CBFA2T3: variants seen among roughly 807,000 people sequenced by gnomAD.
CBFA2T3 encodes the protein CBFA2/RUNX1 partner transcriptional co-repressor 3.
CBFA2T3 carries 31 observed loss-of-function variants against 58.6 expected under a neutral mutation model. That is an observed-to-expected ratio of 0.53 (90% CI 0.40 to 0.71). The LOEUF is 0.71. Among genes scored for constraint, CBFA2T3 ranks in the 30% least tolerant of loss-of-function variants. The probability of loss-of-function intolerance (pLI) is 0.00; values close to 1 mark genes in which losing one functional copy is unlikely to be tolerated. For missense variants in CBFA2T3, 1,076 were observed against 963.1 expected (o/e 1.12, Z -1.55); for synonymous variants, 531 against 421.9 (o/e 1.26, Z -3.17).
chr16:88,925,903 G>A (rs1450674652), intron 1 of CBFA2T3, among the ~76,000 whole-genome samples: 3 of 152,212 alleles, frequency 2.0e-5, no homozygotes, highest in South Asian at 2.1e-4. Flanking sequence ...CCATGTGAAC[G>A]TTTTTACGAT....
chr16:88,968,262 G>T (rs1400155373), intron 1 of CBFA2T3, among the ~76,000 whole-genome samples: 1 of 152,226 alleles, frequency 6.6e-6, no homozygotes, highest in Non-Finnish European at 1.5e-5. Flanking sequence ...CTGGGGAGGG[G>T]CTCAGTAGGG....
At chr16:88,880,449 C>T (rs1597655404) in intron 10 of CBFA2T3, among the ~76,000 whole-genome samples, 1 of 152,190 alleles carries the variant, frequency 6.6e-6, no homozygotes, top group East Asian at 1.9e-4. Context: ...TGCGCTTCTG[C>T]GTGCCCTCCT....
At chr16:88,918,890 T>C (rs1439676915) in intron 1 of CBFA2T3, among the ~76,000 whole-genome samples, 1 of 152,240 alleles carries the variant, frequency 6.6e-6, no homozygotes, top group African/African-American at 2.4e-5. Context: ...AGGTTCCCCT[T>C]CAAAGATACT....
At position 88,909,737 on chromosome 16, in the gene CBFA2T3, G is replaced by A. The variant is rs184620405; in HGVS notation, c.152-8081C>T. On this transcript the variant is annotated intron_variant, in intron 1 of 11. Coordinates refer to ENST00000268679, the MANE Select transcript of CBFA2T3 (RefSeq NM_005187.6). Reference sequence around the variant, plus strand: ...CGCCCTCCCGCCTCCTCACAGCCCCGGAGATGGACGACCCCGCACCCACGC... The same window carrying A: ...CGCCCTCCCGCCTCCTCACAGCCCCAGAGATGGACGACCCCGCACCCACGC... 7.2e-5 allele frequency among the ~76,000 whole-genome samples: 11 copies of A among 152,258 alleles called. No individual in the cohort carries two copies. The South Asian group carries it at 8.3e-4, about 11-fold the overall frequency.
At chr16:88,973,649 C>G (rs1972713782) in intron 1 of CBFA2T3, among the ~76,000 whole-genome samples, 1 of 152,200 alleles carries the variant, frequency 6.6e-6, no homozygotes, top group Admixed American at 6.5e-5. Flanking sequence ...CCAGGACGTT[C>G]CAGACCCACA....
At chr16:88,895,529 G>A (rs923203168) in intron 3 of CBFA2T3, among the ~76,000 whole-genome samples, 1 of 152,154 alleles carries the variant, frequency 6.6e-6, no homozygotes, top group South Asian at 2.1e-4. Flanking sequence ...TCCCGTCCCC[G>A]GCAGGCCCCA....
intron 4 of CBFA2T3, 116 bp from the exon 5 acceptor site, chr16:88,892,087 C>G (rs1969656148): frequency 1.5e-6 from 2 of 1,355,044 alleles, no homozygotes; most frequent in African/African-American, 1.4e-5. Context: ...AGCCCAGGAG[C>G]TGGGCACGGC....
intron 1 of CBFA2T3, among the ~76,000 whole-genome samples, chr16:88,914,120 G>A (rs964805016): frequency 1.3e-5 from 2 of 152,216 alleles, no homozygotes; most frequent in African/African-American, 2.4e-5. Context: ...CACTGCACAC[G>A]GTCTCACAAA....
chr16:88,948,488 G>A (rs1272930201), intron 1 of CBFA2T3, among the ~76,000 whole-genome samples: 2 of 152,196 alleles, frequency 1.3e-5, no homozygotes. Context: ...CAGATGACGC[G>A]GCTTCAAGTT....
Position 88,891,978 on chromosome 16 carries a change from G to A in CBFA2T3, c.622-7C>T, listed in dbSNP as rs780563407. ...CGATCGTCAATGTCGAGTTCTGCAG[G>A]GGAGAAAACCCACCTCACATCAGCA... On this transcript the variant is annotated splice_region_variant and splice_polypyrimidine_tract_variant and intron_variant, in intron 4 of 11. Transcript: ENST00000268679. The A allele has an allele frequency of 6.2e-7, 1 of 1,610,296 alleles. No homozygotes were observed. Among genetic ancestry groups the A allele is most frequent in the Non-Finnish European group, 8.5e-7 (1 of 1,177,430 alleles).
chr16:88,917,877 T>G (rs1021671500), intron 1 of CBFA2T3, among the ~76,000 whole-genome samples: 1 of 151,646 alleles, frequency 6.6e-6, no homozygotes, highest in African/African-American at 2.4e-5. Context: ...AGAGCGTGGG[T>G]GCGGACGAGA....
At chr16:88,909,486 G>A (rs1406570750) in intron 1 of CBFA2T3, among the ~76,000 whole-genome samples, 7 of 151,854 alleles carry the variant, frequency 4.6e-5, no homozygotes, top group East Asian at 1.9e-4. Context: ...GGGTGACCCC[G>A]ACGGCAGCTG....
intron 2 of CBFA2T3, among the ~76,000 whole-genome samples, chr16:88,900,470 C>T (rs1970053716): frequency 6.6e-6 from 1 of 152,360 alleles, no homozygotes; most frequent in South Asian, 2.1e-4. Flanking sequence ...CCTATAGCCA[C>T]CCGGTGCTCT....
intron 1 of CBFA2T3, chr16:88,937,750 A>T (rs1971553749): frequency 6.6e-6 from 1 of 152,212 alleles, no homozygotes; most frequent in African/African-American, 2.4e-5. Flanking sequence ...CCTGGTATGG[A>T]GTAGGTGTTC....
intron 1 of CBFA2T3, among the ~76,000 whole-genome samples, chr16:88,913,295 G>A (rs532104211): frequency 2.0e-5 from 3 of 152,366 alleles, no homozygotes; most frequent in African/African-American, 7.2e-5. Context: ...ACTGACCGTG[G>A]CTGACCACGG....
At chr16:88,971,947 G>A (rs7200905) in intron 1 of CBFA2T3, among the ~76,000 whole-genome samples, 28,409 of 152,240 alleles carry the variant, frequency 0.19, 4,741 homozygotes, top group African/African-American at 0.45. Flanking sequence ...CGGTCCACAT[G>A]TGGTGAGAAG....
chr16:88,957,294 CT>C (rs1463008404), intron 1 of CBFA2T3, among the ~76,000 whole-genome samples: 2 of 152,254 alleles, frequency 1.3e-5, no homozygotes, highest in Non-Finnish European at 2.9e-5. Flanking sequence ...GAAGTGCTGC[CT>C]TTCCCTGCCC....
At chr16:88,933,076 G>A (rs1194036940) in intron 1 of CBFA2T3, among the ~76,000 whole-genome samples, 1 of 152,238 alleles carries the variant, frequency 6.6e-6, no homozygotes, top group Non-Finnish European at 1.5e-5. Flanking sequence ...CACTTCTGAT[G>A]GAAGTCCGCA....
rs372751882 is a variant in CBFA2T3 at position 88,885,066 on chromosome 16, C to T, written c.1097G>A (p.Arg366Gln). ...CTCACCAAGCGGCCGATGGCGCTCTCGTAGCTCCCGGGGGTCTGGGTGGCG... is the reference window on the plus strand; with the variant it reads ...CTCACCAAGCGGCCGATGGCGCTCTTGTAGCTCCCGGGGGTCTGGGTGGCG... ...AYRHPDPREL[R>Q]ERHRPLVVPG... is the part of the protein sequence containing the mutation. Residue 366 changes from arginine (R) to glutamine (Q), a missense_variant, in exon 7 of 12, where the codon CGA (arginine) becomes CAA (glutamine). Coordinates refer to ENST00000268679, the MANE Select transcript of CBFA2T3 (RefSeq NM_005187.6). This position sits in a 1 kb window ranked among gnomAD's most constrained non-coding sequence, Gnocchi z 5.3. The T allele has an allele frequency of 3.5e-5, 56 of 1,600,262 alleles. No individual in the cohort carries two copies. Among genetic ancestry groups the T allele is most frequent in the Admixed American group, 6.7e-5 (4 of 59,730 alleles).
Sources: gnomAD v4.1 joint callset for allele counts (sites outside exome capture counted in the v4.1 genomes callset) on GRCh38, gnomAD v4.1.1 for gene constraint, Gnocchi (gnomAD v3.1) non-coding constraint, MANE v1.5 for transcripts, NCBI Gene and HGNC (gene_info 2026-07-23, HGNC 2026-07-21) for gene names.